NEK11: variants seen among roughly 807,000 people sequenced by gnomAD.
The protein encoded by NEK11 is serine/threonine-protein kinase Nek11.
NEK11 carries 72 observed loss-of-function variants against 80.7 expected under a neutral mutation model. The observed-to-expected ratio is 0.89, with a 90% CI of 0.74 to 1.08. The LOEUF (loss-of-function observed/expected upper bound fraction) is 1.08, where lower values mean the gene tolerates loss of function less well. NEK11 is among the 50% of genes least tolerant of loss of function. The pLI is 0.00. For synonymous variants in NEK11, 251 were observed against 260.7 expected (o/e 0.96, Z 0.36); for missense variants, 764 against 763.6 (o/e 1.00, Z -0.01).
chr3:131,080,426 G>A lies in NEK11; in HGVS notation c.174G>A (p.Lys58=). 1 of 1,587,866 alleles carries A rather than the reference G, an allele frequency of 6.3e-7. No homozygotes were observed. Among genetic ancestry groups the A allele is most frequent in the Non-Finnish European group, 8.5e-7 (1 of 1,172,894 alleles). ...TTAAAATTTTTTTTGATCTCAGAAAGGTACTTAAGGAAATATCTGTTGGAG... is the reference window on the plus strand; with the variant it reads ...TTAAAATTTTTTTTGATCTCAGAAAAGTACTTAAGGAAATATCTGTTGGAG... ...DKKAKRGEEL[K]VLKEISVGEL... is the part of the protein sequence containing the mutation. Residue 58 remains lysine (K), a synonymous_variant, in exon 4 of 18, where the codon AAG becomes AAA. Coordinates refer to ENST00000383366, the MANE Select transcript of NEK11 (RefSeq NM_024800.5).
Position 131,029,824 on chromosome 3 carries a change from G to T in NEK11, c.116G>T (p.Ser39Ile), listed in dbSNP as rs534422270. The change falls in exon 3 of 18, where the codon AGT (serine) becomes ATT (isoleucine). Residue 39 changes from serine (S) to isoleucine (I), a missense_variant. Physicochemically the swap from Ser to Ile is moderately radical, Grantham distance 142 (BLOSUM62 -2). Transcript: ENST00000383366. ...YVLQQKLGSG[S>I]FGTVYLVSDK... Reference sequence around the variant, plus strand: ...CTTCAACAAAAACTTGGCAGTGGAAGTTTTGGAACTGTCTATCTGGTTTCA... The same window carrying T: ...CTTCAACAAAAACTTGGCAGTGGAATTTTTGGAACTGTCTATCTGGTTTCA... The T allele has an allele frequency of 3.8e-5, 61 of 1,614,138 alleles. No homozygotes were observed. The Middle Eastern group carries it at 4.9e-4, about 13-fold the overall frequency.
chr3:131,317,329 A>C (rs2096850599), intron 17 of NEK11, among the ~76,000 whole-genome samples: 1 of 152,182 alleles, frequency 6.6e-6, no homozygotes, highest in Non-Finnish European at 1.5e-5. Flanking sequence ...AAAACTAAGC[A>C]TTGGTATGAG....
At chr3:131,216,771 A>T (rs1353557654) in intron 14 of NEK11, among the ~76,000 whole-genome samples, 1 of 152,204 alleles carries the variant, frequency 6.6e-6, no homozygotes, top group Non-Finnish European at 1.5e-5. Context: ...CTCTGGCTTG[A>T]ACATTGGTTT....
intron 4 of NEK11, among the ~76,000 whole-genome samples, chr3:131,100,023 C>G (rs2078128187): frequency 6.6e-6 from 1 of 152,082 alleles, no homozygotes; most frequent in South Asian, 2.1e-4. Flanking sequence ...GAGTGGGCAC[C>G]CTCATCTTGT....
intron 3 of NEK11, among the ~76,000 whole-genome samples, chr3:131,063,950 G>T (rs972570910): frequency 3.3e-5 from 5 of 151,990 alleles, no homozygotes; most frequent in Non-Finnish European, 7.4e-5. Flanking sequence ...CTGATAAATG[G>T]ATAAACAAAA....
At chr3:131,173,646 A>G (rs951748012) in intron 14 of NEK11, among the ~76,000 whole-genome samples, 2 of 151,754 alleles carry the variant, frequency 1.3e-5, no homozygotes, top group African/African-American at 4.8e-5. Flanking sequence ...ACAGAAAAAC[A>G]TGTCAAAGGA....
At chr3:131,197,801 C>T (rs1579997015) in intron 14 of NEK11, among the ~76,000 whole-genome samples, 1 of 151,956 alleles carries the variant, frequency 6.6e-6, no homozygotes, top group East Asian at 1.9e-4. Flanking sequence ...AGTGGATTAC[C>T]CCATACTAGG....
chr3:131,250,151 T>G lies in NEK11; in HGVS notation c.1621+6655T>G, dbSNP rs571291095. Among the ~76,000 whole-genome samples, 4 of 151,704 alleles carry G rather than the reference T, an allele frequency of 2.6e-5. No homozygotes were observed. The South Asian group carries it at 8.3e-4, about 32-fold the overall frequency. On this transcript the variant is annotated intron_variant, in intron 16 of 17. Transcript: ENST00000383366. ...AAAATTCAGTAGAAGGTTTGGAAGA[T>G]AAAAGTGAGGAAATTTACCAGAATA...
chr3:131,262,681 T>C (rs1344366092), intron 16 of NEK11, among the ~76,000 whole-genome samples: 2 of 152,214 alleles, frequency 1.3e-5, no homozygotes, highest in African/African-American at 4.8e-5. Flanking sequence ...TTTTGTATTA[T>C]ACTTTAAGAT....
chr3:131,221,319 T>G (rs1015801931), intron 14 of NEK11, among the ~76,000 whole-genome samples: 1 of 152,210 alleles, frequency 6.6e-6, no homozygotes, highest in Non-Finnish European at 1.5e-5. Flanking sequence ...TTCTCAAACT[T>G]AAGGGTGCAT....
chr3:131,143,061 C>A (rs1317811015), intron 7 of NEK11, among the ~76,000 whole-genome samples: 1 of 152,100 alleles, frequency 6.6e-6, no homozygotes, highest in African/African-American at 2.4e-5. Flanking sequence ...TTAAAAAATT[C>A]AGCTCATCAG....
intron 16 of NEK11, among the ~76,000 whole-genome samples, chr3:131,251,819 T>C (rs2095709571): frequency 6.6e-6 from 1 of 152,082 alleles, no homozygotes; most frequent in South Asian, 2.1e-4. Flanking sequence ...ATTTAATTAA[T>C]GCTGCTGCTG....
intron 3 of NEK11, chr3:131,054,321 G>C (rs1183559245): frequency 6.6e-6 from 1 of 151,352 alleles, no homozygotes; most frequent in Non-Finnish European, 1.5e-5. Context: ...ACCAGACCTT[G>C]TCTCAAAGAA....
intron 14 of NEK11, among the ~76,000 whole-genome samples, chr3:131,193,940 G>T (rs1186733734): frequency 6.6e-6 from 1 of 152,136 alleles, no homozygotes; most frequent in Non-Finnish European, 1.5e-5. Flanking sequence ...AAATAATTTT[G>T]TGTTACTTGT....
At chr3:131,178,100 C>G (rs1314885313) in intron 14 of NEK11, among the ~76,000 whole-genome samples, 2 of 152,092 alleles carry the variant, frequency 1.3e-5, no homozygotes, top group African/African-American at 4.8e-5. Flanking sequence ...ACAGTAAAAA[C>G]ACAATATAAA....
intron 17 of NEK11, among the ~76,000 whole-genome samples, chr3:131,335,498 C>T (rs1011369411): frequency 6.6e-6 from 1 of 152,184 alleles, no homozygotes; most frequent in Non-Finnish European, 1.5e-5. Flanking sequence ...ATGACAAACT[C>T]ACAGCCAATA....
chr3:131,067,974 G>GCCTCTCT (rs1233227863), intron 3 of NEK11, among the ~76,000 whole-genome samples: 1 of 152,194 alleles, frequency 6.6e-6, no homozygotes, highest in Non-Finnish European at 1.5e-5. Flanking sequence ...CACTCTTGCG[G>GCCTCTCT]CCTCTCTGAG....
intron 3 of NEK11, among the ~76,000 whole-genome samples, chr3:131,058,259 G>A (rs1270956771): frequency 6.6e-6 from 1 of 152,086 alleles, no homozygotes; most frequent in South Asian, 2.1e-4. Context: ...TCTCTGTTTT[G>A]GTACCAGTAC....
Position 131,228,688 on chromosome 3 carries a change from G to A in NEK11, c.1560G>A (p.Gln520=). The change falls in exon 15 of 18, where the codon CAG becomes CAA. Residue 520 remains glutamine, a splice_region_variant and synonymous_variant. Coordinates refer to ENST00000383366, the MANE Select transcript of NEK11 (RefSeq NM_024800.5). ...AGCCTGCTTACAGAACAAACCAACA[G>A]GTATGTAATGCTCCCTGTCGGAAGC... ...GSQPAYRTNQ[Q]DSDIEALARC... The A allele has an allele frequency of 6.2e-7, 1 of 1,611,804 alleles. No homozygotes were observed. The highest frequency in any genetic ancestry group is 1.1e-5 in the South Asian group (1 of 90,732).
Sources: gnomAD v4.1 joint callset for allele counts (sites outside exome capture counted in the v4.1 genomes callset) on GRCh38, gnomAD v4.1.1 for gene constraint, MANE v1.5 for transcripts, NCBI Gene and HGNC (gene_info 2026-07-23, HGNC 2026-07-21) for gene names.